Variants in MYOCD observed in about 807,000 individuals in gnomAD.
MYOCD encodes myocardin.
Under a neutral mutation model 96.1 loss-of-function variants are expected in MYOCD, and 32 were observed. The ratio of observed to expected loss-of-function variants is 0.33; its 90% CI spans 0.25 to 0.45. MYOCD has a LOEUF of 0.45. Ranked by LOEUF, MYOCD falls within the 20% of genes least tolerant of loss-of-function variation. MYOCD has a pLI of 1.00. For missense variants in MYOCD, 1,133 were observed against 1,200.6 expected, an observed-to-expected ratio of 0.94 and a Z score of 0.83; for synonymous variants, 469 against 469.0, an observed-to-expected ratio of 1.00 and a Z score of 0.00.
chr17:12,758,299 G>C (rs955689881), intron 12 of MYOCD, 86 bp downstream of exon 12: 1 of 1,585,512 alleles, frequency 6.3e-7, no homozygotes, highest in Non-Finnish European at 8.6e-7. Flanking sequence ...CACGCAGTTT[G>C]TAAATTCTGA....
rs779744834 is a variant in MYOCD at position 12,763,328 on chromosome 17, A to C, written c.2645A>C (p.His882Pro). 1.2e-6 allele frequency: 2 copies of C among 1,607,170 alleles called. No homozygotes were observed. Among genetic ancestry groups the C allele is most frequent in the South Asian group, 2.2e-5 (2 of 89,948 alleles). Residue 882 changes from histidine to proline, a missense_variant, in exon 14 of 14, where the codon CAC becomes CCC. His to Pro is a moderately conservative substitution (Grantham distance 77, BLOSUM62 -2). Transcript: ENST00000425538. ...CTAAAAATTGGGAGCGAAGAGCCTC[A>C]CTTTGATGGGATAATGGATGGATTC... ...TLLKIGSEEP[H>P]FDGIMDGFSG...
At chr17:12,672,330 T>G (rs1309744851) in intron 1 of MYOCD, 1 of 152,212 alleles carries the variant, frequency 6.6e-6, no homozygotes, top group Non-Finnish European at 1.5e-5. Context: ...ATAGGATTAA[T>G]AACAACAACC....
chr17:12,693,604 T>C (rs1278049748), intron 1 of MYOCD, among the ~76,000 whole-genome samples: 2 of 135,512 alleles, frequency 1.5e-5, no homozygotes, highest in African/African-American at 5.5e-5. Flanking sequence ...AGAGAGACTC[T>C]GTCTCAAAAA....
At chr17:12,705,452 T>C (rs16946453) in intron 2 of MYOCD, 6,689 of 358,444 alleles carry the variant, frequency 0.019, 300 homozygotes, top group Admixed American at 0.12. Flanking sequence ...TAAACACAAT[T>C]CATTATGGGC....
At position 12,741,491 on chromosome 17, in the gene MYOCD, T is replaced by C. The variant is rs185357929; in HGVS notation, c.717+2163T>C. ...GGGAGGCCGAGGCGGGCAGATCACC[T>C]GAGGTCAGGAGTTCGAGACCAGCCT... On this transcript the variant is annotated intron_variant, in intron 7 of 13. Coordinates refer to ENST00000425538, the MANE Select transcript of MYOCD (RefSeq NM_001146312.3). 6.0e-3 allele frequency among the ~76,000 whole-genome samples: 909 copies of C among 152,276 alleles called. 17 individuals carry two copies. Among genetic ancestry groups the C allele is most frequent in the East Asian group, 0.032 (163 of 5,174 alleles).
chr17:12,693,147 A>G (rs2030544632), intron 1 of MYOCD, among the ~76,000 whole-genome samples: 1 of 152,144 alleles, frequency 6.6e-6, no homozygotes, highest in Non-Finnish European at 1.5e-5. Flanking sequence ...CTTCACACCT[A>G]TTCTATGATT....
At chr17:12,724,101 T>C (rs1308456385) in intron 5 of MYOCD, among the ~76,000 whole-genome samples, 1 of 152,164 alleles carries the variant, frequency 6.6e-6, no homozygotes, top group Non-Finnish European at 1.5e-5. Context: ...CTGGGGCCTT[T>C]GAACTTGGCC....
intron 10 of MYOCD, among the ~76,000 whole-genome samples, chr17:12,754,306 G>A (rs552166582): frequency 3.3e-5 from 5 of 152,190 alleles, no homozygotes; most frequent in Non-Finnish European, 7.3e-5. Context: ...GTTTCACCAT[G>A]TTGGCCAGGC....
chr17:12,710,379 C>T (rs2031444506), intron 2 of MYOCD: 1 of 383,624 alleles, frequency 2.6e-6, no homozygotes, highest in African/African-American at 2.2e-5. Flanking sequence ...AGAGAAAGCC[C>T]CTGCTGGCCA....
chr17:12,710,108 C>T (rs959104976), intron 2 of MYOCD, among the ~76,000 whole-genome samples: 1 of 152,154 alleles, frequency 6.6e-6, no homozygotes, highest in Non-Finnish European at 1.5e-5. Flanking sequence ...AAACCACCCC[C>T]ATTTAATCAT....
At chr17:12,698,729 CTTTTTTTTTTTTTTTTTT>C (rs55758881) in intron 1 of MYOCD, among the ~76,000 whole-genome samples, 1 of 64,082 alleles carries the variant, frequency 1.6e-5, no homozygotes, top group African/African-American at 6.1e-5. Flanking sequence ...ACCAGACCCT[CTTTTTTTTTTTTTTTTTT>C]TTTTTTTTTT....
chr17:12,763,134 A>C lies in MYOCD; in HGVS notation c.2451A>C (p.Arg817Ser). 6.2e-7 allele frequency: 1 copy of C among 1,614,100 alleles called. No individual in the cohort carries two copies. The highest frequency in any genetic ancestry group is 8.5e-7 in the Non-Finnish European group (1 of 1,180,014). ...SCLQKVPKIP[R>S]SSRSPTAVLT... is the part of the protein sequence containing the mutation. ...TTCAAAAAGTCCCAAAGATACCCAGATCTTCCCGAAGTCCAACTGCTGTCC... is the reference window on the plus strand; with the variant it reads ...TTCAAAAAGTCCCAAAGATACCCAGCTCTTCCCGAAGTCCAACTGCTGTCC... The change falls in exon 14 of 14, where the codon AGA (arginine) becomes AGC (serine). Residue 817 changes from arginine (R) to serine (S), a missense_variant. By Grantham distance (110) the Arg-to-Ser change is moderately radical. Coordinates refer to ENST00000425538, the MANE Select transcript of MYOCD (RefSeq NM_001146312.3).
At chr17:12,742,108 C>T (rs141874325) in intron 7 of MYOCD, among the ~76,000 whole-genome samples, 3 of 152,062 alleles carry the variant, frequency 2.0e-5, no homozygotes, top group East Asian at 1.9e-4. Flanking sequence ...CAGAATGAGG[C>T]GACAACAGCA....
At chr17:12,715,920 T>C (rs1339827832) in intron 3 of MYOCD, among the ~76,000 whole-genome samples, 1 of 152,174 alleles carries the variant, frequency 6.6e-6, no homozygotes, top group Non-Finnish European at 1.5e-5. Flanking sequence ...TGTCATTTCT[T>C]AACAACAATC....
chr17:12,730,824 G>T (rs766236880), intron 5 of MYOCD, among the ~76,000 whole-genome samples: 4 of 152,150 alleles, frequency 2.6e-5, no homozygotes, highest in African/African-American at 9.7e-5. Flanking sequence ...GGAAGGAGGC[G>T]CATTTTCATA....
chr17:12,701,212 G>A (rs1404409333), intron 1 of MYOCD, among the ~76,000 whole-genome samples: 2 of 152,060 alleles, frequency 1.3e-5, no homozygotes, highest in East Asian at 1.9e-4. Context: ...AGGAGTTCTA[G>A]ACCAACCTCA....
At chr17:12,680,991 C>T (rs1243968858) in intron 1 of MYOCD, among the ~76,000 whole-genome samples, 2 of 152,166 alleles carry the variant, frequency 1.3e-5, no homozygotes, top group African/African-American at 4.8e-5. Flanking sequence ...TACAGCAATC[C>T]TGTAAGGAGG....
At chr17:12,697,351 ATATATATATT>A (rs2030806377) in intron 1 of MYOCD, among the ~76,000 whole-genome samples, 1 of 84,566 alleles carries the variant, frequency 1.2e-5, no homozygotes, top group African/African-American at 6.2e-5. Flanking sequence ...ATATATATAT[ATATATATATT>A]TTTTTTTTTT....
chr17:12,701,751 TTATAA>T (rs1416702158), intron 1 of MYOCD, among the ~76,000 whole-genome samples: 1 of 152,190 alleles, frequency 6.6e-6, no homozygotes, highest in African/African-American at 2.4e-5. Flanking sequence ...TATGAAGTAG[TTATAA>T]TATGTTGTAT....
Sources: gnomAD v4.1 joint callset for allele counts (sites outside exome capture counted in the v4.1 genomes callset) on GRCh38, gnomAD v4.1.1 for gene constraint, MANE v1.5 for transcripts, NCBI Gene and HGNC (gene_info 2026-07-23, HGNC 2026-07-21) for gene names.